UNC79: variants seen among roughly 807,000 people sequenced by gnomAD.
UNC79 encodes the protein protein unc-79 homolog.
A neutral mutation model predicts 283.1 loss-of-function variants in UNC79; 37 were observed. The ratio of observed to expected loss-of-function variants is 0.13; its 90% CI spans 0.10 to 0.17. The LOEUF is 0.17. UNC79 is among the 10% of genes least tolerant of loss of function. UNC79 has a pLI of 1.00. For synonymous variants in UNC79, 1,107 were observed against 1,200.2 expected, an observed-to-expected ratio of 0.92 and a Z score of 1.61; for missense variants, 2,272 against 3,211.1, an observed-to-expected ratio of 0.71 and a Z score of 7.07.
rs867037955 is a variant in UNC79, at chr14:93,348,291, A to C, written c.-351+14768A>C. 56 of 513,558 alleles carry C rather than the reference A, an allele frequency of 1.1e-4. No individual in the cohort carries two copies. In the Middle Eastern group the frequency reaches 0.01, roughly 92 times the overall value. 31.8% of individuals were successfully genotyped at this position (513,558 alleles called of 1,614,324 possible). ...TTTTTTAGTACTGTGCATTATATAG[A>C]TGTATAGTCAAAAATGTTCTGCTTA... On this transcript the variant is annotated intron_variant, in intron 1 of 49. Transcript: ENST00000256339.
chr14:93,457,608 A>G lies in UNC79; in HGVS notation c.23-10063A>G, dbSNP rs554208886. On this transcript the variant is annotated intron_variant, in intron 1 of 48. Transcript: ENST00000555664. ...GAAAAGAGGCCGAAGGTGAAACCCAACAGGTGAGCAGGGAACTCTTCATGC... is the reference window on the plus strand; with the variant it reads ...GAAAAGAGGCCGAAGGTGAAACCCAGCAGGTGAGCAGGGAACTCTTCATGC... Among the ~76,000 whole-genome samples the G allele has an allele frequency of 2.0e-5, 3 of 152,248 alleles. No homozygotes were observed. The South Asian group carries it at 6.2e-4, about 31-fold the overall frequency.
intron 18 of UNC79, 119 bp downstream of exon 18, chr14:93,578,182 A>G (rs75455272): frequency 0.023 from 22,897 of 997,812 alleles, 490 homozygotes; most frequent in South Asian, 0.082. Context: ...AGCATCACCC[A>G]AGACCTTTTG....
intron 1 of UNC79, among the ~76,000 whole-genome samples, chr14:93,455,515 C>G (rs1258332630): frequency 6.6e-6 from 1 of 151,420 alleles, no homozygotes; most frequent in Non-Finnish European, 1.5e-5. Context: ...GTGTAGGGGG[C>G]TATTCTTGAT....
intron 10 of UNC79, among the ~76,000 whole-genome samples, chr14:93,530,235 A>G (rs1384033264): frequency 6.6e-6 from 1 of 151,166 alleles, no homozygotes; most frequent in Non-Finnish European, 1.5e-5. Flanking sequence ...CAATAATATC[A>G]GCCTCTATAT....
At chr14:93,618,063 C>G in intron 28 of UNC79, 129 bp from the exon 30 acceptor site, 22 of 960,004 alleles carry the variant, frequency 2.3e-5, no homozygotes, top group Non-Finnish European at 3.1e-5. Flanking sequence ...TTTGTTTCTA[C>G]TTCTCTCTCT....
chr14:93,360,270 T>C (rs1449555405), intron 1 of UNC79, among the ~76,000 whole-genome samples: 2 of 151,932 alleles, frequency 1.3e-5, no homozygotes, highest in Admixed American at 6.6e-5. Flanking sequence ...CCTAGGAAAA[T>C]AGTAAATAAA....
chr14:93,433,710 C>T (rs886928842), intron 1 of UNC79, among the ~76,000 whole-genome samples: 1 of 152,096 alleles, frequency 6.6e-6, no homozygotes, highest in African/African-American at 2.4e-5. Flanking sequence ...TATTACTCTT[C>T]TTCTTGGAGC....
chr14:93,508,939 G>A (rs2059680775), intron 7 of UNC79, among the ~76,000 whole-genome samples: 1 of 152,122 alleles, frequency 6.6e-6, no homozygotes, highest in South Asian at 2.1e-4. Context: ...GCGTTAGTCT[G>A]TTTTCACACC....
intron 1 of UNC79, among the ~76,000 whole-genome samples, chr14:93,414,846 C>T (rs552265473): frequency 3.9e-5 from 6 of 152,206 alleles, no homozygotes; most frequent in South Asian, 2.1e-4. Context: ...TATAAGAATG[C>T]TTGTGATTTT....
chr14:93,378,359 T>G (rs761945602), intron 1 of UNC79, among the ~76,000 whole-genome samples: 4 of 152,222 alleles, frequency 2.6e-5, no homozygotes, highest in African/African-American at 4.8e-5. Flanking sequence ...AGTTGTAAAT[T>G]TTAACCTTTG....
At chr14:93,605,804 A>G (rs573760155) in intron 26 of UNC79, among the ~76,000 whole-genome samples, 28 of 152,284 alleles carry the variant, frequency 1.8e-4, no homozygotes, top group African/African-American at 6.3e-4. Flanking sequence ...AGGGAGTCCG[A>G]AGTGGGAGGG....
intron 47 of UNC79, among the ~76,000 whole-genome samples, chr14:93,704,088 G>T (rs2075710391): frequency 6.6e-6 from 1 of 152,162 alleles, no homozygotes; most frequent in Non-Finnish European, 1.5e-5. Flanking sequence ...GGGACTTGCT[G>T]CTTGGCTGTG....
chr14:93,551,850 A>T (rs2061917886), intron 14 of UNC79, among the ~76,000 whole-genome samples: 1 of 152,178 alleles, frequency 6.6e-6, no homozygotes, highest in South Asian at 2.1e-4. Flanking sequence ...AGGGCTGAAG[A>T]TCTCATCTTC....
intron 18 of UNC79, among the ~76,000 whole-genome samples, chr14:93,579,172 A>G (rs1263021015): frequency 1.3e-5 from 2 of 152,186 alleles, no homozygotes; most frequent in Admixed American, 6.5e-5. Context: ...GTAATGCATC[A>G]TGTCAGCAGG....
At chr14:93,395,078 A>G (rs1319669134) in intron 1 of UNC79, among the ~76,000 whole-genome samples, 2 of 152,076 alleles carry the variant, frequency 1.3e-5, no homozygotes, top group Admixed American at 6.6e-5. Context: ...TGTCTTTTAT[A>G]TTTATCTATG....
chr14:93,578,104 A>G (rs946787039), intron 18 of UNC79, 41 bp downstream of exon 18: 1 of 1,583,464 alleles, frequency 6.3e-7, no homozygotes, highest in Admixed American at 1.7e-5. Context: ...GAGGTGAAGA[A>G]TGAGAGAAAG....
At position 93,634,641 on chromosome 14, in the gene UNC79, G is replaced by C. The variant is rs1181091357; in HGVS notation, c.5717-2575G>C. 1.2e-6 allele frequency: 2 copies of C among 1,612,312 alleles called. No individual in the cohort carries two copies. Reference sequence around the variant, plus strand: ...AACATCAGCAACTGGGACACTGGTGGGTCAAGCTTTTTCTTCTCATTCTAC... The same window carrying C: ...AACATCAGCAACTGGGACACTGGTGCGTCAAGCTTTTTCTTCTCATTCTAC... On this transcript the variant is annotated intron_variant, in intron 31 of 48. Transcript: ENST00000555664.
intron 1 of UNC79, among the ~76,000 whole-genome samples, chr14:93,361,356 T>C (rs1440097638): frequency 6.6e-6 from 1 of 151,656 alleles, no homozygotes; most frequent in Non-Finnish European, 1.5e-5. Flanking sequence ...ACCCTATCTC[T>C]ATTAAAAAAA....
intron 1 of UNC79, among the ~76,000 whole-genome samples, chr14:93,387,549 C>T (rs573423292): frequency 2.6e-5 from 4 of 152,194 alleles, no homozygotes; most frequent in Admixed American, 1.3e-4. Context: ...GAACAGTGTC[C>T]GAAGTTCCTC....
Sources: gnomAD v4.1 joint callset for allele counts (sites outside exome capture counted in the v4.1 genomes callset) on GRCh38, gnomAD v4.1.1 for gene constraint, MANE v1.5 for transcripts, NCBI Gene and HGNC (gene_info 2026-07-23, HGNC 2026-07-21) for gene names.